The following SPEF2 variants were observed in gnomAD, a reference collection of about 807,000 sequenced individuals.
SPEF2 encodes sperm flagella and cilia-associated protein 2.
SPEF2 carries 187 observed loss-of-function variants against 224.6 expected under a neutral mutation model. That is an observed-to-expected ratio of 0.83 (90% confidence interval 0.74 to 0.94). The LOEUF (loss-of-function observed/expected upper bound fraction) is 0.94, where lower values mean the gene tolerates loss of function less well. Ranked by LOEUF, SPEF2 falls within the 40% of genes least tolerant of loss-of-function variation. SPEF2 has a pLI of 0.00. For missense variants in SPEF2, 2,170 were observed against 2,135.6 expected (o/e 1.02, Z -0.32); for synonymous variants, 715 against 707.3 (o/e 1.01, Z -0.17).
chr5:35,740,294 A>G (rs1283856949), intron 23 of SPEF2, 27 bp downstream of exon 23: 5 of 1,612,272 alleles, frequency 3.1e-6, no homozygotes, highest in Non-Finnish European at 4.2e-6. Context: ...CTATTGGGAC[A>G]GGGTTAGCTG....
At position 35,687,979 on chromosome 5, in the gene SPEF2, T is replaced by G. The variant is rs534639054; in HGVS notation, c.1525-3058T>G. 6.8e-4 allele frequency among the ~76,000 whole-genome samples: 103 copies of G among 152,028 alleles called. 1 individual carries two copies. Among genetic ancestry groups the G allele is most frequent in the Admixed American group, 3.0e-3 (46 of 15,264 alleles). The stretch of plus-strand genomic sequence containing the variant: ...AGCAAAAAATTTGCAGGCAAAAAAA[T>G]GGACTCTTGTTGAATAAGCAGGAAA... On this transcript the variant is annotated intron_variant, in intron 10 of 36. Coordinates refer to ENST00000356031, the MANE Select transcript of SPEF2 (RefSeq NM_024867.4).
intron 25 of SPEF2, among the ~76,000 whole-genome samples, chr5:35,762,678 T>A (rs984218645): frequency 6.6e-6 from 1 of 152,114 alleles, no homozygotes; most frequent in Non-Finnish European, 1.5e-5. Context: ...TCTCTTTCCT[T>A]CCCCAAGCTG....
At chr5:35,761,131 A>G (rs1751228729) in intron 25 of SPEF2, among the ~76,000 whole-genome samples, 1 of 152,170 alleles carries the variant, frequency 6.6e-6, no homozygotes, top group Non-Finnish European at 1.5e-5. Context: ...TGCTCAGTCA[A>G]TGCAGGTGTC....
Position 35,709,130 on chromosome 5 carries a change from C to A in SPEF2, c.2839+9C>A. 2 of 1,607,602 alleles carry A rather than the reference C, an allele frequency of 1.2e-6. No homozygotes were observed. The highest frequency in any genetic ancestry group is 2.2e-5 in the South Asian group (2 of 89,472). ...AGGAAAACCTCAATCAGGTGATTGACAGAATGATTTATAATCCTGTTTTCA... is the reference window on the plus strand; with the variant it reads ...AGGAAAACCTCAATCAGGTGATTGAAAGAATGATTTATAATCCTGTTTTCA... On this transcript the variant is annotated intron_variant, in intron 19 of 36. Coordinates refer to ENST00000356031, the MANE Select transcript of SPEF2 (RefSeq NM_024867.4).
chr5:35,687,557 A>G (rs1339625505), intron 10 of SPEF2, among the ~76,000 whole-genome samples: 1 of 152,112 alleles, frequency 6.6e-6, no homozygotes, highest in East Asian at 1.9e-4. Context: ...GGGTTTCACC[A>G]TGTTGGTCAG....
chr5:35,793,287 C>T lies in SPEF2; in HGVS notation c.4683C>T (p.Phe1561=). The T allele has an allele frequency of 6.2e-7, 1 of 1,614,104 alleles. No homozygotes were observed. The highest frequency in any genetic ancestry group is 1.1e-5 in the South Asian group (1 of 91,078). Residue 1561 remains phenylalanine (F), a synonymous_variant, in exon 32 of 37, where the codon TTC becomes TTT. Transcript: ENST00000356031. The part of the protein sequence containing the change: ...EEELLETLQK[F]KAVDKEQLGT... ...AGCTCCTTGAGACCCTTCAGAAGTTCAAGGCTGTGGATAAGGAGCAGTTGG... is the reference window on the plus strand; with the variant it reads ...AGCTCCTTGAGACCCTTCAGAAGTTTAAGGCTGTGGATAAGGAGCAGTTGG...
At chr5:35,789,967 A>C (rs190331279) in intron 30 of SPEF2, 2 of 701,852 alleles carry the variant, frequency 2.8e-6, no homozygotes, top group Admixed American at 2.0e-5. Flanking sequence ...GATATTTATA[A>C]ATGTTTGGGT....
In SPEF2 at chr5:35,785,699, A is replaced by C. The variant is rs147861808; in HGVS notation, c.4447+6353A>C. Reference sequence around the variant, plus strand: ...CAGGTGCCTGCAAGCATGCCCAGCTAATTTGTTTTTTTAATTTTCTTCTCT... The same window carrying C: ...CAGGTGCCTGCAAGCATGCCCAGCTCATTTGTTTTTTTAATTTTCTTCTCT... On this transcript the variant is annotated intron_variant, in intron 30 of 36. Transcript: ENST00000356031. 1.1e-3 allele frequency among the ~76,000 whole-genome samples: 158 copies of C among 150,292 alleles called. 1 individual carries two copies. The highest frequency in any genetic ancestry group is 2.1e-3 in the Non-Finnish European group (142 of 67,622).
At chr5:35,794,983 T>C (rs1172136887) in intron 32 of SPEF2, among the ~76,000 whole-genome samples, 1 of 152,052 alleles carries the variant, frequency 6.6e-6, no homozygotes, top group Non-Finnish European at 1.5e-5. Flanking sequence ...TTTCACAGAT[T>C]GTCAGCACTT....
At position 35,691,198 on chromosome 5, in the gene SPEF2, A is replaced by G. The variant is rs1359979571; in HGVS notation, c.1686A>G (p.Gly562=). The G allele has an allele frequency of 3.1e-6, 5 of 1,613,914 alleles. No individual in the cohort carries two copies. The highest frequency in any genetic ancestry group is 1.7e-5 in the Admixed American group (1 of 59,984). Residue 562 remains glycine, a synonymous_variant, in exon 11 of 37, where the codon GGA becomes GGG. Transcript: ENST00000356031. ...AATTACCTTCATTTGCTGTTAAAGG[A>G]TGCTTATTGGGGAAAACATTAAGTG... The part of the protein sequence containing the change: ...TPELPSFAVK[G]CLLGKTLSGK...
intron 19 of SPEF2, 162 bp downstream of exon 19, chr5:35,709,283 A>G (rs1182879740): frequency 9.7e-6 from 14 of 1,443,042 alleles, no homozygotes; most frequent in Non-Finnish European, 1.3e-5. Flanking sequence ...CGGAGTAGCT[A>G]AAAGCGTAGT....
intron 3 of SPEF2, among the ~76,000 whole-genome samples, chr5:35,642,900 A>G (rs911903356): frequency 6.6e-6 from 1 of 152,152 alleles, no homozygotes; most frequent in Non-Finnish European, 1.5e-5. Context: ...TAGAAATTAG[A>G]TTAGTCTTAA....
intron 9 of SPEF2, among the ~76,000 whole-genome samples, chr5:35,668,887 A>G (rs1277486847): frequency 6.6e-6 from 1 of 152,150 alleles, no homozygotes; most frequent in African/African-American, 2.4e-5. Context: ...TTGAAAGAGA[A>G]TATTAAAAGG....
At chr5:35,809,387 C>G (rs919715407) in intron 36 of SPEF2, among the ~76,000 whole-genome samples, 9 of 152,082 alleles carry the variant, frequency 5.9e-5, no homozygotes, top group African/African-American at 2.2e-4. Flanking sequence ...GAATTCAATA[C>G]TTGACATTTT....
chr5:35,708,692 T>TCACCGTCACCACCTCTACCTC (rs1561236626), intron 18 of SPEF2, among the ~76,000 whole-genome samples: 1 of 1,234 alleles, frequency 8.1e-4, no homozygotes, highest in Non-Finnish European at 2.0e-3. Flanking sequence ...TCTACCTCCA[T>TCACCGTCACCACCTCTACCTC]CACCATCACC....
chr5:35,671,554 A>T (rs926527671), intron 10 of SPEF2: 1 of 976,704 alleles, frequency 1.0e-6, no homozygotes, highest in African/African-American at 1.8e-5. Context: ...ATTGTAAATT[A>T]AAAGTCATTT....
At chr5:35,623,074 A>C (rs1007883340) in intron 1 of SPEF2, among the ~76,000 whole-genome samples, 28 of 152,226 alleles carry the variant, frequency 1.8e-4, no homozygotes, top group African/African-American at 6.3e-4. Flanking sequence ...GTAACAAGGG[A>C]GAACATGAAC....
intron 25 of SPEF2, among the ~76,000 whole-genome samples, chr5:35,762,425 T>C (rs976696226): frequency 1.3e-5 from 2 of 152,226 alleles, no homozygotes; most frequent in Non-Finnish European, 2.9e-5. Flanking sequence ...GACAGTGATT[T>C]AGCCTTATTT....
intron 23 of SPEF2, among the ~76,000 whole-genome samples, chr5:35,741,973 G>A (rs1351607656): frequency 2.0e-5 from 3 of 152,044 alleles, no homozygotes; most frequent in Non-Finnish European, 4.4e-5. Flanking sequence ...TTCCAAATGC[G>A]ACATATGTTT....
Sources: gnomAD v4.1 joint callset for allele counts (sites outside exome capture counted in the v4.1 genomes callset) on GRCh38, gnomAD v4.1.1 for gene constraint, MANE v1.5 for transcripts, NCBI Gene and HGNC (gene_info 2026-07-23, HGNC 2026-07-21) for gene names.